ZRANB3: variants seen among roughly 807,000 people sequenced by gnomAD.
ZRANB3 encodes the protein DNA annealing helicase and endonuclease ZRANB3.
In ZRANB3, 125 loss-of-function variants were observed where a neutral mutation model predicts 133.8. The ratio of observed to expected loss-of-function variants is 0.93; its 90% CI spans 0.81 to 1.08. The LOEUF is 1.08. Ranked by LOEUF, ZRANB3 falls within the 50% of genes least tolerant of loss-of-function variation. The pLI, the probability that ZRANB3 is intolerant of heterozygous loss-of-function variation, is 0.00. For synonymous variants in ZRANB3, 387 were observed against 432.7 expected (o/e 0.89, Z 1.31); for missense variants, 1,229 against 1,275.5 (o/e 0.96, Z 0.56).
intron 3 of ZRANB3, among the ~76,000 whole-genome samples, chr2:135,386,149 AAAAC>A (rs777030619): frequency 2.4e-4 from 37 of 152,340 alleles, no homozygotes; most frequent in East Asian, 1.7e-3. Flanking sequence ...TTACAAGAAA[AAAAC>A]AAACAACTCC....
rs183829224 is a variant in ZRANB3 at position 135,462,810 on chromosome 2, C to T, written c.161+41519G>A. On this transcript the variant is annotated intron_variant, in intron 2 of 20. Coordinates refer to ENST00000264159, the MANE Select transcript of ZRANB3 (RefSeq NM_032143.4). ...GTTTCGCCATGTTGGCCAGGCTGGT[C>T]TTAAACTCCTGACCTCAGGTGATCC... Among the ~76,000 whole-genome samples, 124 of 152,292 alleles carry T rather than the reference C, an allele frequency of 8.1e-4. 1 individual carries two copies. Among genetic ancestry groups the T allele is most frequent in the Middle Eastern group, 3.4e-3 (1 of 294 alleles).
chr2:135,358,949 A>G (rs1472584528), intron 3 of ZRANB3, among the ~76,000 whole-genome samples: 1 of 151,398 alleles, frequency 6.6e-6, no homozygotes, highest in African/African-American at 2.4e-5. Context: ...CATAAGCCCA[A>G]TAAGAGACTA....
intron 2 of ZRANB3, among the ~76,000 whole-genome samples, chr2:135,478,118 C>G (rs561331329): frequency 6.6e-6 from 1 of 151,882 alleles, no homozygotes; most frequent in Non-Finnish European, 1.5e-5. Context: ...TGATAAATTA[C>G]CTAAAATAGA....
At chr2:135,337,310 C>T (rs913045997) in intron 6 of ZRANB3, among the ~76,000 whole-genome samples, 1 of 152,140 alleles carries the variant, frequency 6.6e-6, no homozygotes, top group African/African-American at 2.4e-5. Context: ...AACCCTAGAC[C>T]GTTAACAGTT....
chr2:135,404,889 G>C (rs538314020), intron 2 of ZRANB3, among the ~76,000 whole-genome samples: 1 of 152,188 alleles, frequency 6.6e-6, no homozygotes, highest in South Asian at 2.1e-4. Context: ...AGACCATCGA[G>C]GCTAGGAAGA....
intron 2 of ZRANB3, among the ~76,000 whole-genome samples, chr2:135,463,378 G>T (rs1216924280): frequency 6.6e-6 from 1 of 151,408 alleles, no homozygotes; most frequent in Non-Finnish European, 1.5e-5. Context: ...ATTTTCATTG[G>T]TCACTTACAA....
intron 5 of ZRANB3, among the ~76,000 whole-genome samples, chr2:135,345,847 T>C (rs922554525): frequency 1.5e-4 from 23 of 152,226 alleles, no homozygotes; most frequent in African/African-American, 4.3e-4. Context: ...TAAGCATATG[T>C]TTATGCTTTT....
chr2:135,275,796 G>T (rs1307602910), intron 8 of ZRANB3, 41 bp from the exon 9 acceptor site: 3 of 1,414,796 alleles, frequency 2.1e-6, no homozygotes, highest in Non-Finnish European at 2.8e-6. Flanking sequence ...TCATAAAAAT[G>T]ATTATTTAAA....
intron 12 of ZRANB3, among the ~76,000 whole-genome samples, chr2:135,254,545 G>A (rs980373808): frequency 1.3e-5 from 2 of 151,818 alleles, no homozygotes; most frequent in African/African-American, 4.8e-5. Flanking sequence ...CCTGGGAGGC[G>A]GAGGTTGCAG....
intron 2 of ZRANB3, among the ~76,000 whole-genome samples, chr2:135,446,439 G>A (rs531483995): frequency 5.3e-5 from 8 of 152,070 alleles, no homozygotes; most frequent in Non-Finnish European, 8.8e-5. Flanking sequence ...GAGGACATGG[G>A]AGAAAGAAAG....
chr2:135,262,496 A>C (rs1218077927), intron 12 of ZRANB3, among the ~76,000 whole-genome samples: 1 of 152,158 alleles, frequency 6.6e-6, no homozygotes, highest in Non-Finnish European at 1.5e-5. Flanking sequence ...AAAGACTAGA[A>C]GGCCAAGAGT....
intron 3 of ZRANB3, among the ~76,000 whole-genome samples, chr2:135,382,986 A>G (rs1686790758): frequency 6.6e-6 from 1 of 152,202 alleles, no homozygotes; most frequent in African/African-American, 2.4e-5. Flanking sequence ...ATTCACACAT[A>G]ACAATATTAA....
At chr2:135,328,172 C>T (rs964286745) in intron 6 of ZRANB3, among the ~76,000 whole-genome samples, 11 of 151,970 alleles carry the variant, frequency 7.2e-5, no homozygotes, top group African/African-American at 2.7e-4. Flanking sequence ...CCCATCAACT[C>T]GTCATTTACA....
intron 2 of ZRANB3, 164 bp downstream of exon 2, chr2:135,504,165 T>A (rs1054331450): frequency 1.3e-6 from 1 of 764,622 alleles, no homozygotes; most frequent in Admixed American, 2.1e-5. Context: ...TATTTCAACA[T>A]GAAGTATAAG....
rs994610695 is a variant in ZRANB3 at position 135,232,980 on chromosome 2, C to T, written c.1540-2053G>A. On this transcript the variant is annotated intron_variant, in intron 12 of 20. Coordinates refer to ENST00000264159, the MANE Select transcript of ZRANB3 (RefSeq NM_032143.4). ...CAAGGTGAGAGAAGAAGGCTTCCGACAATCAAACTATTCCGAGCTAAAGGA... is the reference window on the plus strand; with the variant it reads ...CAAGGTGAGAGAAGAAGGCTTCCGATAATCAAACTATTCCGAGCTAAAGGA... Among the ~76,000 whole-genome samples the T allele has an allele frequency of 3.3e-5, 5 of 152,114 alleles. No homozygotes were observed. In the East Asian group the frequency reaches 5.8e-4, roughly 18 times the overall value.
At chr2:135,308,189 G>A (rs1336634415) in intron 8 of ZRANB3, among the ~76,000 whole-genome samples, 1 of 152,082 alleles carries the variant, frequency 6.6e-6, no homozygotes, top group Non-Finnish European at 1.5e-5. Flanking sequence ...TGCTAAAGGG[G>A]TCTCTGCCTC....
At chr2:135,388,689 T>C (rs947794688) in intron 3 of ZRANB3, among the ~76,000 whole-genome samples, 1 of 152,214 alleles carries the variant, frequency 6.6e-6, no homozygotes, top group Admixed American at 6.5e-5. Context: ...CATATTTCTA[T>C]TTGTTGAAAA....
At chr2:135,444,813 CT>C (rs1689942619) in intron 2 of ZRANB3, among the ~76,000 whole-genome samples, 3 of 152,242 alleles carry the variant, frequency 2.0e-5, no homozygotes, top group Admixed American at 6.5e-5. Flanking sequence ...GTAGATTATA[CT>C]GCAATAAGCT....
intron 2 of ZRANB3, among the ~76,000 whole-genome samples, chr2:135,497,238 G>A (rs1376601898): frequency 6.6e-6 from 1 of 151,946 alleles, no homozygotes; most frequent in Non-Finnish European, 1.5e-5. Flanking sequence ...ATTGATAAAT[G>A]ACTTCTACAA....
Sources: allele counts gnomAD v4.1 joint callset (sites outside exome capture counted in the v4.1 genomes callset), GRCh38; gene constraint gnomAD v4.1.1; transcripts MANE v1.5; gene names NCBI Gene and HGNC (gene_info 2026-07-23, HGNC 2026-07-21).